The following RREB1 variants were observed in gnomAD, a reference collection of about 807,000 sequenced individuals.
RREB1 encodes ras-responsive element-binding protein 1.
RREB1 carries 27 observed loss-of-function variants against 117.8 expected under a neutral mutation model. The ratio of observed to expected loss-of-function variants is 0.23; its 90% confidence interval spans 0.17 to 0.32. The LOEUF (loss-of-function observed/expected upper bound fraction) is 0.32, where lower values mean the gene tolerates loss of function less well. Ranked by LOEUF, RREB1 falls within the 10% of genes least tolerant of loss-of-function variation. RREB1 has a pLI of 1.00. For synonymous variants in RREB1, 1,298 were observed against 1,026.7 expected (o/e 1.26, Z -5.05); for missense variants, 2,577 against 2,378.2 (o/e 1.08, Z -1.74).
Position 7,230,770 on chromosome 6 carries a change from A to G in RREB1, c.2671A>G (p.Ser891Gly), listed in dbSNP as rs554853501. 1 of 1,612,462 alleles carries G rather than the reference A, an allele frequency of 6.2e-7. No individual in the cohort carries two copies. Among genetic ancestry groups the G allele is most frequent in the East Asian group, 2.2e-5 (1 of 44,848 alleles). The change falls in exon 10 of 13, where the codon AGC (serine) becomes GGC (glycine). Residue 891 changes from serine (S) to glycine (G), a missense_variant. By Grantham distance (56) the Ser-to-Gly change is moderately conservative. Coordinates refer to ENST00000379938, the MANE Select transcript of RREB1 (RefSeq NM_001003699.4). ...CTCGATCAAGTTGGAGCCCGCCAGT[A>G]GCTTTGCGGTGGACTTCAATGAGCC... The part of the protein sequence containing the change: ...HVSIKLEPAS[S>G]FAVDFNEPLD...
At chr6:7,175,088 T>A (rs1484700831) in intron 1 of RREB1, among the ~76,000 whole-genome samples, 2 of 152,164 alleles carry the variant, frequency 1.3e-5, no homozygotes, top group African/African-American at 4.8e-5. Context: ...TGTTATTAAT[T>A]AAAATATGAA....
intron 6 of RREB1, among the ~76,000 whole-genome samples, chr6:7,195,481 C>T (rs907297170): frequency 6.6e-6 from 1 of 152,208 alleles, no homozygotes; most frequent in African/African-American, 2.4e-5. Context: ...CTCCCAAGCA[C>T]ATACCTGTGG....
intron 6 of RREB1, among the ~76,000 whole-genome samples, chr6:7,198,394 T>C (rs888970155): frequency 2.2e-4 from 33 of 152,334 alleles, no homozygotes; most frequent in South Asian, 1.9e-3. Flanking sequence ...AATACTTCTA[T>C]GGAAAAGAAA....
intron 1 of RREB1, among the ~76,000 whole-genome samples, chr6:7,112,641 T>C: frequency 6.6e-6 from 1 of 152,162 alleles, no homozygotes; most frequent in East Asian, 1.9e-4. Flanking sequence ...AGGCATACGG[T>C]GTGCTCTCTG....
intron 1 of RREB1, among the ~76,000 whole-genome samples, chr6:7,150,124 A>G (rs528237783): frequency 5.9e-5 from 9 of 151,544 alleles, no homozygotes; most frequent in Non-Finnish European, 1.0e-4. Context: ...TGGCCTTGTT[A>G]TATATTAATG....
At chr6:7,115,686 G>C (rs1427481867) in intron 1 of RREB1, among the ~76,000 whole-genome samples, 2 of 152,044 alleles carry the variant, frequency 1.3e-5, no homozygotes, top group Admixed American at 6.6e-5. Flanking sequence ...GTGCTTTTCT[G>C]TCTTCTCGTC....
intron 8 of RREB1, among the ~76,000 whole-genome samples, chr6:7,224,798 G>C (rs1357994912): frequency 1.3e-5 from 2 of 152,050 alleles, no homozygotes; most frequent in Non-Finnish European, 2.9e-5. Flanking sequence ...CCCTTCCCTG[G>C]GCCTTGACCA....
In RREB1 at chr6:7,204,773, C is replaced by CA. The variant is rs1766174529; in HGVS notation, c.426-6028dup. 2.0e-5 allele frequency among the ~76,000 whole-genome samples: 3 copies of CA among 152,174 alleles called. No homozygotes were observed. The South Asian group carries it at 6.2e-4, about 32-fold the overall frequency. ...GAGGAAATTGAGACTGAAAAGTTAG[C>CA]AAATACTGGAAGTGTCTAGATTTCT... On this transcript the variant is annotated intron_variant, in intron 6 of 12. Coordinates refer to ENST00000379938, the MANE Select transcript of RREB1 (RefSeq NM_001003699.4).
intron 8 of RREB1, among the ~76,000 whole-genome samples, chr6:7,222,098 A>G (rs1303729303): frequency 1.3e-5 from 2 of 152,198 alleles, no homozygotes; most frequent in Non-Finnish European, 2.9e-5. Flanking sequence ...AAGTATTGGT[A>G]ATTTCTTTTC....
chr6:7,170,499 T>G (rs1764157024), intron 1 of RREB1, among the ~76,000 whole-genome samples: 2 of 152,118 alleles, frequency 1.3e-5, no homozygotes, highest in Admixed American at 1.3e-4. Context: ...CCAAGGAGCT[T>G]TTCGGGAAGT....
chr6:7,186,569 T>C (rs1027508092), intron 4 of RREB1, among the ~76,000 whole-genome samples: 3 of 152,218 alleles, frequency 2.0e-5, no homozygotes, highest in African/African-American at 7.2e-5. Context: ...CAGGAACCCG[T>C]GGTCTTAGGG....
At chr6:7,222,540 G>C (rs563014064) in intron 8 of RREB1, among the ~76,000 whole-genome samples, 1 of 152,266 alleles carries the variant, frequency 6.6e-6, no homozygotes, top group African/African-American at 2.4e-5. Context: ...ATTCTGCCAC[G>C]TCTTTATTGT....
At chr6:7,115,979 T>C (rs1192559377) in intron 1 of RREB1, among the ~76,000 whole-genome samples, 2 of 152,164 alleles carry the variant, frequency 1.3e-5, no homozygotes, top group Non-Finnish European at 2.9e-5. Context: ...CATTGGCTGT[T>C]CTATCGTTTC....
At chr6:7,140,659 C>T (rs1762523798) in intron 1 of RREB1, 2 of 152,256 alleles carry the variant, frequency 1.3e-5, no homozygotes, top group African/African-American at 4.8e-5. Context: ...TTTGAAGCCG[C>T]TGGTCCTCGC....
At chr6:7,207,248 T>C (rs151270412) in intron 6 of RREB1, among the ~76,000 whole-genome samples, 75 of 152,294 alleles carry the variant, frequency 4.9e-4, no homozygotes, top group Middle Eastern at 3.4e-3. Flanking sequence ...AGGAGTAGAA[T>C]TACTGAGGCA....
chr6:7,153,583 G>A (rs1469545601), intron 1 of RREB1, among the ~76,000 whole-genome samples: 1 of 152,150 alleles, frequency 6.6e-6, no homozygotes, highest in Non-Finnish European at 1.5e-5. Context: ...AAAATAGGAG[G>A]TTAAAAACAG....
Position 7,249,175 on chromosome 6 carries a change from G to A in RREB1, c.*207G>A. ...GCCTGCGCGGGAGGCCACAGCCCGT[G>A]CCGATTCCAGTGCCTTAACTACTTA... On this transcript the variant is annotated 3_prime_UTR_variant, in exon 13 of 13. Coordinates refer to ENST00000379938, the MANE Select transcript of RREB1 (RefSeq NM_001003699.4). 2.0e-6 allele frequency: 1 copy of A among 509,836 alleles called. No homozygotes were observed. The highest frequency in any genetic ancestry group is 3.4e-6 in the Non-Finnish European group (1 of 291,468). 31.6% of individuals were successfully genotyped at this position (509,836 alleles called of 1,614,324 possible). A position where few individuals can be genotyped will look rare whatever the true frequency, so the allele number is the denominator to read the frequency against.
chr6:7,110,422 G>A (rs1366092403), intron 1 of RREB1, among the ~76,000 whole-genome samples: 4 of 151,994 alleles, frequency 2.6e-5, no homozygotes, highest in Non-Finnish European at 5.9e-5. Context: ...TGAAGGAATG[G>A]GTTCGAGCTA....
intron 1 of RREB1, among the ~76,000 whole-genome samples, chr6:7,126,202 A>G (rs1292470827): frequency 2.0e-5 from 3 of 151,964 alleles, no homozygotes; most frequent in East Asian, 1.9e-4. Flanking sequence ...GGGTTTCACT[A>G]TGTTGGTCAG....
Sources: allele counts gnomAD v4.1 joint callset (sites outside exome capture counted in the v4.1 genomes callset), GRCh38; gene constraint gnomAD v4.1.1; transcripts MANE v1.5; gene names NCBI Gene and HGNC (gene_info 2026-07-23, HGNC 2026-07-21).